CD2AP: variants seen among roughly 807,000 people sequenced by gnomAD.
CD2AP encodes the protein CD2-associated protein.
CD2AP carries 46 observed loss-of-function variants against 85.1 expected under a neutral mutation model. That is an observed-to-expected ratio of 0.54 (90% CI 0.43 to 0.69). CD2AP has a LOEUF of 0.69. Among genes scored for constraint, CD2AP ranks in the 30% least tolerant of loss-of-function variants. The pLI, the probability that CD2AP is intolerant of heterozygous loss-of-function variation, is 0.00. For missense variants in CD2AP, 769 were observed against 729.5 expected, an observed-to-expected ratio of 1.05 and a Z score of -0.62; for synonymous variants, 255 against 252.9, an observed-to-expected ratio of 1.01 and a Z score of -0.08.
At chr6:47,480,887 G>A (rs1275353674) in intron 1 of CD2AP, among the ~76,000 whole-genome samples, 1 of 152,112 alleles carries the variant, frequency 6.6e-6, no homozygotes, top group Non-Finnish European at 1.5e-5. Context: ...TTTCAATGTT[G>A]GATGTACTGT....
At chr6:47,617,292 G>A (rs111596063) in intron 17 of CD2AP, among the ~76,000 whole-genome samples, 34 of 152,192 alleles carry the variant, frequency 2.2e-4, no homozygotes, top group Admixed American at 5.2e-4. Context: ...TAACCTAAAT[G>A]TAAATATTCC....
At chr6:47,483,792 GTTT>G (rs1381345401) in intron 1 of CD2AP, among the ~76,000 whole-genome samples, 6 of 113,964 alleles carry the variant, frequency 5.3e-5, no homozygotes, top group Non-Finnish European at 7.6e-5. Context: ...TGATGTGCCT[GTTT>G]TTTTTTTTTT....
At chr6:47,508,544 TTG>T (rs549006841) in intron 2 of CD2AP, among the ~76,000 whole-genome samples, 22 of 69,924 alleles carry the variant, frequency 3.1e-4, no homozygotes, top group Non-Finnish European at 5.4e-4. Flanking sequence ...CTTTTTTTTT[TTG>T]TTTTTTTTTT....
At chr6:47,584,187 CTTG>C (rs965958111) in intron 11 of CD2AP, among the ~76,000 whole-genome samples, 1 of 152,076 alleles carries the variant, frequency 6.6e-6, no homozygotes, top group Admixed American at 6.6e-5. Flanking sequence ...CCCAGTCTGA[CTTG>C]TTTTCTTCAC....
Position 47,625,384 on chromosome 6 carries a change from A to G in CD2AP, c.*1157A>G, listed in dbSNP as rs1377910202. On this transcript the variant is annotated 3_prime_UTR_variant, in exon 18 of 18. Coordinates refer to ENST00000359314, the MANE Select transcript of CD2AP (RefSeq NM_012120.3). ...AAAGAATGTTAGTATGTCATAAAAT[A>G]TAACATTACAGCTTATTTAAAACCA... 6.6e-6 allele frequency: 1 copy of G among 151,982 alleles called. No individual in the cohort carries two copies. The highest frequency in any genetic ancestry group is 2.4e-5 in the African/African-American group (1 of 41,452). The allele number at this position is 151,982 out of a possible 1,614,324, so 9.4% of individuals were successfully genotyped here.
Position 47,576,606 on chromosome 6 carries a change from T to A in CD2AP, c.808+4T>A. ...GATACCGAAGGTAAAATTAAAGGTA[T>A]GTTTTTGAATAAAGCTTTCATATTG... On this transcript the variant is annotated splice_donor_region_variant and intron_variant, in intron 7 of 17. Transcript: ENST00000359314. 6.3e-7 allele frequency: 1 copy of A among 1,587,578 alleles called. No individual in the cohort carries two copies. The highest frequency in any genetic ancestry group is 8.6e-7 in the Non-Finnish European group (1 of 1,156,544).
chr6:47,548,606 CACACCAGA>C (rs1767432525), intron 4 of CD2AP, among the ~76,000 whole-genome samples: 1 of 152,138 alleles, frequency 6.6e-6, no homozygotes, highest in Non-Finnish European at 1.5e-5. Context: ...CAGACGAATT[CACACCAGA>C]ATTCTACCAG....
chr6:47,582,458 G>C (rs558497659), intron 11 of CD2AP, among the ~76,000 whole-genome samples: 70 of 152,260 alleles, frequency 4.6e-4, no homozygotes, highest in African/African-American at 1.7e-3. Context: ...GCATGTGTTT[G>C]TCATAATGTA....
At chr6:47,543,504 G>A (rs915079512) in intron 3 of CD2AP, among the ~76,000 whole-genome samples, 2 of 152,116 alleles carry the variant, frequency 1.3e-5, no homozygotes, top group African/African-American at 4.8e-5. Flanking sequence ...TCACAGTTTT[G>A]GACGATTAGA....
intron 2 of CD2AP, among the ~76,000 whole-genome samples, chr6:47,513,463 C>A (rs1207772952): frequency 6.6e-6 from 1 of 152,004 alleles, no homozygotes; most frequent in Non-Finnish European, 1.5e-5. Flanking sequence ...GAGTGGTCTG[C>A]AAACTCTATT....
intron 4 of CD2AP, among the ~76,000 whole-genome samples, chr6:47,552,637 T>C (rs1767558441): frequency 6.6e-6 from 1 of 152,238 alleles, no homozygotes; most frequent in Non-Finnish European, 1.5e-5. Flanking sequence ...TTTTTACCAC[T>C]GTACTACTCT....
At chr6:47,553,910 AG>A (rs1767601014) in intron 4 of CD2AP, among the ~76,000 whole-genome samples, 1 of 152,080 alleles carries the variant, frequency 6.6e-6, no homozygotes, top group Non-Finnish European at 1.5e-5. Context: ...TCACTGCTCA[AG>A]TAATAGGTTT....
chr6:47,583,508 G>C (rs984389195), intron 11 of CD2AP, among the ~76,000 whole-genome samples: 3 of 151,944 alleles, frequency 2.0e-5, no homozygotes, highest in Admixed American at 6.6e-5. Flanking sequence ...CATATAGTTA[G>C]AATCATACAG....
At chr6:47,553,706 A>G (rs185339764) in intron 4 of CD2AP, among the ~76,000 whole-genome samples, 31 of 152,060 alleles carry the variant, frequency 2.0e-4, no homozygotes, top group Admixed American at 8.5e-4. Flanking sequence ...CTTAATATCC[A>G]TATCAGAAAC....
intron 5 of CD2AP, among the ~76,000 whole-genome samples, chr6:47,564,970 C>G (rs562764667): frequency 6.6e-6 from 1 of 152,094 alleles, no homozygotes; most frequent in South Asian, 2.1e-4. Context: ...CTCCTCCTCC[C>G]TTTCCCTTTT....
At chr6:47,606,481 A>T (rs1000220554) in intron 14 of CD2AP, among the ~76,000 whole-genome samples, 2 of 152,056 alleles carry the variant, frequency 1.3e-5, no homozygotes, top group African/African-American at 4.8e-5. Context: ...TTACAGAATC[A>T]GAAGGAAATT....
chr6:47,507,469 A>C (rs1351213265), intron 2 of CD2AP, among the ~76,000 whole-genome samples: 1 of 145,660 alleles, frequency 6.9e-6, no homozygotes, highest in Non-Finnish European at 1.5e-5. Flanking sequence ...GCCTTACGAA[A>C]TGTGGGCTGG....
rs964661471 is a variant in CD2AP at position 47,626,511 on chromosome 6, T to G, written c.*2284T>G. The G allele has an allele frequency of 3.9e-5, 6 of 152,402 alleles. No homozygotes were observed. The highest frequency in any genetic ancestry group is 1.3e-4 in the Admixed American group (2 of 15,262). The allele number at this position is 152,402 out of a possible 1,614,324, so 9.4% of individuals were successfully genotyped here. On this transcript the variant is annotated 3_prime_UTR_variant, in exon 18 of 18. Coordinates refer to ENST00000359314, the MANE Select transcript of CD2AP (RefSeq NM_012120.3). ...ACAGCATGGAATCTCATTGCCAAAT[T>G]ATTAGTGAATGTATAGTTCAGGTAT...
At chr6:47,582,931 C>T (rs1387301919) in intron 11 of CD2AP, among the ~76,000 whole-genome samples, 1 of 151,780 alleles carries the variant, frequency 6.6e-6, no homozygotes, top group East Asian at 1.9e-4. Context: ...TACAGGCACC[C>T]GCCACCACGC....
Sources: allele counts gnomAD v4.1 joint callset (sites outside exome capture counted in the v4.1 genomes callset), GRCh38; gene constraint gnomAD v4.1.1; transcripts MANE v1.5; gene names NCBI Gene and HGNC (gene_info 2026-07-23, HGNC 2026-07-21).